CTNNA1: variants seen among roughly 807,000 people sequenced by gnomAD.
CTNNA1 encodes catenin alpha 1.
CTNNA1 carries 37 observed loss-of-function variants against 98.4 expected under a neutral mutation model. The observed-to-expected ratio is 0.38, with a 90% confidence interval of 0.29 to 0.49. The LOEUF is 0.49. CTNNA1 is among the 20% of genes least tolerant of loss of function. The pLI, the probability that CTNNA1 is intolerant of heterozygous loss-of-function variation, is 0.95. For missense variants in CTNNA1, 761 were observed against 1,147.2 expected (o/e 0.66, Z 4.86); for synonymous variants, 404 against 413.2 (o/e 0.98, Z 0.27).
chr5:138,887,161 C>A lies in CTNNA1; in HGVS notation c.1144-329C>A, dbSNP rs869312559. On this transcript the variant is annotated intron_variant, in intron 8 of 17. Transcript: ENST00000302763. The stretch of plus-strand genomic sequence containing the variant: ...TATATTCCAAGGCTATGTGCCAGTT[C>A]AACCCAGAGCTGCTTTCAGTTCAGC... 5.3e-5 allele frequency among the ~76,000 whole-genome samples: 8 copies of A among 152,068 alleles called. No homozygotes were observed. The highest frequency in any genetic ancestry group is 1.2e-4 in the Non-Finnish European group (8 of 68,010).
Position 138,824,697 on chromosome 5 carries a change from C to A in CTNNA1, c.756C>A (p.Val252=). 6.2e-7 allele frequency: 1 copy of A among 1,614,248 alleles called. No homozygotes were observed. The highest frequency in any genetic ancestry group is 8.5e-7 in the Non-Finnish European group (1 of 1,180,044). Residue 252 remains valine, a synonymous_variant, in exon 6 of 18, where the codon GTC becomes GTA. Coordinates refer to ENST00000302763, the MANE Select transcript of CTNNA1 (RefSeq NM_001903.5). ...DLIYKQLQQA[V]TGISNAAQAT... ...TATACAAGCAGCTGCAGCAGGCGGT[C>A]ACAGGCATTTCCAATGCAGCCCAGG...
chr5:138,894,281 C>CT (rs539073038), intron 9 of CTNNA1, among the ~76,000 whole-genome samples: 3,841 of 123,892 alleles, frequency 0.031, 113 homozygotes, highest in East Asian at 0.093. Flanking sequence ...TTTTCTTTCT[C>CT]TTTTTTTTTT....
chr5:138,913,249 G>A (rs1761039353), intron 10 of CTNNA1, among the ~76,000 whole-genome samples: 1 of 151,990 alleles, frequency 6.6e-6, no homozygotes, highest in Non-Finnish European at 1.5e-5. Context: ...TAGAAAGGCT[G>A]TTGGTTTTTA....
chr5:138,874,383 C>T lies in CTNNA1; in HGVS notation c.1063-11829C>T, dbSNP rs1038619935. The stretch of plus-strand genomic sequence containing the variant: ...AGGGACAGGCCCAGAGAGCCCTTGT[C>T]TGTGGCGTTTGGCACTGAGTGGAAG... On this transcript the variant is annotated intron_variant, in intron 7 of 17. Transcript: ENST00000302763. This position sits in a 1 kb window ranked among gnomAD's most constrained non-coding sequence, Gnocchi z 4.1. 6 of 1,613,884 alleles carry T rather than the reference C, an allele frequency of 3.7e-6. No individual in the cohort carries two copies. Among genetic ancestry groups the T allele is most frequent in the Non-Finnish European group, 5.1e-6 (6 of 1,179,900 alleles).
chr5:138,800,777 T>G (rs960882698), intron 3 of CTNNA1, among the ~76,000 whole-genome samples: 1 of 151,868 alleles, frequency 6.6e-6, no homozygotes, highest in South Asian at 2.1e-4. Flanking sequence ...CATTCCAGCC[T>G]GGGCAACAAG....
chr5:138,902,556 A>G (rs1484434176), intron 9 of CTNNA1, among the ~76,000 whole-genome samples: 1 of 152,202 alleles, frequency 6.6e-6, no homozygotes, highest in East Asian at 1.9e-4. Context: ...AGTAGCTGGG[A>G]CTACAGGCGC....
intron 9 of CTNNA1, among the ~76,000 whole-genome samples, chr5:138,897,047 C>T (rs949806463): frequency 2.0e-5 from 3 of 151,416 alleles, no homozygotes; most frequent in Non-Finnish European, 4.4e-5. Flanking sequence ...TGAAATCCTG[C>T]CTATAAAAAT....
intron 3 of CTNNA1, among the ~76,000 whole-genome samples, chr5:138,807,742 A>G (rs1006392880): frequency 7.2e-5 from 11 of 151,936 alleles, no homozygotes; most frequent in Non-Finnish European, 1.3e-4. Flanking sequence ...ATTGTTTAAG[A>G]CAGTATTTAT....
At chr5:138,827,760 TGAG>T (rs748969331) in intron 7 of CTNNA1, 42 bp downstream of exon 7, 14 of 1,606,910 alleles carry the variant, frequency 8.7e-6, no homozygotes, top group Non-Finnish European at 1.2e-5. Context: ...TATTTATGGA[TGAG>T]GAGTTTTCTA....
chr5:138,854,745 A>C (rs981499815), intron 7 of CTNNA1, among the ~76,000 whole-genome samples: 1 of 152,106 alleles, frequency 6.6e-6, no homozygotes, highest in Non-Finnish European at 1.5e-5. Flanking sequence ...GTTTCCCCTT[A>C]TTCTCTGTAG....
At chr5:138,925,844 G>A (rs1165811207) in intron 13 of CTNNA1, among the ~76,000 whole-genome samples, 1 of 152,178 alleles carries the variant, frequency 6.6e-6, no homozygotes, top group Non-Finnish European at 1.5e-5. Context: ...GGGGAGGAGC[G>A]GCCCCAGGTG....
chr5:138,881,279 T>C (rs1360656337), intron 7 of CTNNA1: 3 of 336,772 alleles, frequency 8.9e-6, no homozygotes, highest in Non-Finnish European at 1.8e-5. Context: ...ATATAATCAT[T>C]GTATTCTAAG....
At chr5:138,865,500 C>T (rs1017893435) in intron 7 of CTNNA1, among the ~76,000 whole-genome samples, 2 of 152,214 alleles carry the variant, frequency 1.3e-5, no homozygotes, top group East Asian at 1.9e-4. Flanking sequence ...ACTTAAGTGT[C>T]TCTTTTTCCA....
At chr5:138,927,339 C>T (rs1217866049) in intron 13 of CTNNA1, among the ~76,000 whole-genome samples, 2 of 152,218 alleles carry the variant, frequency 1.3e-5, no homozygotes, top group Non-Finnish European at 2.9e-5. Flanking sequence ...CTGATCTCCT[C>T]TTGTACTCAT....
At chr5:138,786,325 C>T (rs1238589909) in intron 3 of CTNNA1, among the ~76,000 whole-genome samples, 1 of 152,146 alleles carries the variant, frequency 6.6e-6, no homozygotes, top group East Asian at 1.9e-4. Context: ...GATAAGATCT[C>T]TTTTCTATCA....
At chr5:138,889,315 G>C (rs1408559307) in intron 9 of CTNNA1, among the ~76,000 whole-genome samples, 3 of 152,176 alleles carry the variant, frequency 2.0e-5, no homozygotes, top group Non-Finnish European at 4.4e-5. Flanking sequence ...TGCCTCTCCA[G>C]CCTAAGAGAG....
At chr5:138,892,328 G>GTT (rs70982738) in intron 9 of CTNNA1, among the ~76,000 whole-genome samples, 2,353 of 79,238 alleles carry the variant, frequency 0.03, 490 homozygotes, top group Non-Finnish European at 0.033. Flanking sequence ...AAATAGCTTA[G>GTT]TTTTTTTTTT....
At chr5:138,875,688 C>T in intron 7 of CTNNA1, 1 of 985,384 alleles carries the variant, frequency 1.0e-6, no homozygotes, top group Non-Finnish European at 1.2e-6. Context: ...TCTAAATGGG[C>T]AGAAGCCTGC....
chr5:138,907,392 A>T (rs1298852624), intron 10 of CTNNA1, among the ~76,000 whole-genome samples: 3 of 152,220 alleles, frequency 2.0e-5, no homozygotes, highest in Non-Finnish European at 2.9e-5. Flanking sequence ...ACAATTGGTA[A>T]CTAATTTAAA....
Sources: allele counts gnomAD v4.1 joint callset (sites outside exome capture counted in the v4.1 genomes callset), GRCh38; gene constraint gnomAD v4.1.1; non-coding constraint Gnocchi (gnomAD v3.1); transcripts MANE v1.5; gene names NCBI Gene and HGNC (gene_info 2026-07-23, HGNC 2026-07-21).